RYR3: variants seen among roughly 807,000 people sequenced by gnomAD.
The protein encoded by RYR3 is ryanodine receptor 3.
Under a neutral mutation model 584.3 loss-of-function variants are expected in RYR3, and 207 were observed. The observed-to-expected ratio is 0.35, with a 90% CI of 0.32 to 0.40. The LOEUF (loss-of-function observed/expected upper bound fraction) is 0.40, where lower values mean the gene tolerates loss of function less well. Ranked by LOEUF, RYR3 falls within the 10% of genes least tolerant of loss-of-function variation. The probability of loss-of-function intolerance (pLI) is 1.00; values close to 1 mark genes in which losing one functional copy is unlikely to be tolerated. For synonymous variants in RYR3, 2,416 were observed against 2,248.5 expected, an observed-to-expected ratio of 1.07 and a Z score of -2.11; for missense variants, 5,616 against 6,089.2, an observed-to-expected ratio of 0.92 and a Z score of 2.59.
chr15:33,717,554 T>A (rs1227182521), intron 43 of RYR3, among the ~76,000 whole-genome samples: 1 of 152,230 alleles, frequency 6.6e-6, no homozygotes, highest in East Asian at 1.9e-4. Flanking sequence ...TACTCCAAGT[T>A]GTTATTATCT....
intron 1 of RYR3, among the ~76,000 whole-genome samples, chr15:33,398,323 ATTC>A (rs2042422160): frequency 6.6e-6 from 1 of 152,206 alleles, no homozygotes; most frequent in African/African-American, 2.4e-5. Context: ...CAGGCGCACC[ATTC>A]TTAGTGCAGT....
chr15:33,826,610 A>C (rs577758776), intron 83 of RYR3, 62 bp from the exon 84 acceptor site: 1 of 1,324,314 alleles, frequency 7.6e-7, no homozygotes, highest in East Asian at 2.3e-5. Context: ...AGTCATTTAC[A>C]TTAGAAAGTA....
At chr15:33,706,159 G>A (rs61308006) in intron 42 of RYR3, among the ~76,000 whole-genome samples, 30,291 of 151,878 alleles carry the variant, frequency 0.2, 3,138 homozygotes, top group Middle Eastern at 0.28. Flanking sequence ...ATAAAAACTT[G>A]AGCAGTTCTT....
At position 33,802,241 on chromosome 15, in the gene RYR3, C is replaced by T. The variant is rs1341457568; in HGVS notation, c.10011+280C>T. 3 of 523,904 alleles carry T rather than the reference C, an allele frequency of 5.7e-6. No individual in the cohort carries two copies. The African/African-American group carries it at 5.7e-5, about 10-fold the overall frequency. 32.5% of individuals were successfully genotyped at this position (523,904 alleles called of 1,614,324 possible). ...TGAGAGGTCTCCAAAACAAAAGCTG[C>T]TGTTAGTGATTTTAAAATAGAACTT... On this transcript the variant is annotated intron_variant, in intron 69 of 103. Transcript: ENST00000634891.
intron 13 of RYR3, among the ~76,000 whole-genome samples, chr15:33,580,413 CT>C (rs1206717549): frequency 1.3e-5 from 2 of 152,150 alleles, no homozygotes; most frequent in African/African-American, 4.8e-5. Flanking sequence ...TAAATTTCAG[CT>C]GTGAGAGCAT....
intron 22 of RYR3, 108 bp from the exon 23 acceptor site, chr15:33,631,102 G>T: frequency 1.5e-6 from 1 of 672,498 alleles, no homozygotes. Context: ...ACTGACCCCT[G>T]GGCTAAATGA....
intron 51 of RYR3, among the ~76,000 whole-genome samples, chr15:33,741,698 C>A (rs572982874): frequency 6.6e-6 from 1 of 152,132 alleles, no homozygotes; most frequent in African/African-American, 2.4e-5. Flanking sequence ...ACTGCAAGCT[C>A]CACCTCCTGG....
chr15:33,597,478 G>T (rs955298137), intron 16 of RYR3, among the ~76,000 whole-genome samples: 1 of 152,064 alleles, frequency 6.6e-6, no homozygotes, highest in African/African-American at 2.4e-5. Flanking sequence ...TAGCTGGGTT[G>T]TGGGCGCCTG....
chr15:33,848,260 C>T (rs771896061), intron 93 of RYR3, 31 bp from the exon 94 acceptor site: 1 of 1,612,336 alleles, frequency 6.2e-7, no homozygotes, highest in Non-Finnish European at 8.5e-7. Flanking sequence ...ACAAAGCCTG[C>T]TCTGAGTAAC....
intron 94 of RYR3, among the ~76,000 whole-genome samples, chr15:33,848,824 C>CTATTT (rs1567314183): frequency 9.0e-6 from 1 of 111,216 alleles, no homozygotes; most frequent in Admixed American, 8.8e-5. Flanking sequence ...CTCTGAAGTC[C>CTATTT]TCTTTTTTTT....
At chr15:33,480,588 A>G (rs1025937279) in intron 2 of RYR3, among the ~76,000 whole-genome samples, 1 of 152,234 alleles carries the variant, frequency 6.6e-6, no homozygotes, top group East Asian at 1.9e-4. Context: ...TAAAATATTA[A>G]GGAGAGTCAG....
chr15:33,450,503 G>A (rs2047031624), intron 1 of RYR3, among the ~76,000 whole-genome samples: 2 of 152,188 alleles, frequency 1.3e-5, no homozygotes, highest in Admixed American at 1.3e-4. Flanking sequence ...AGAGCCCGAG[G>A]TGCTGAGACA....
At chr15:33,498,920 GT>G (rs2051695644) in intron 2 of RYR3, among the ~76,000 whole-genome samples, 1 of 152,046 alleles carries the variant, frequency 6.6e-6, no homozygotes, top group African/African-American at 2.4e-5. Context: ...AGCACCATTT[GT>G]TGAAGAGACT....
chr15:33,651,190 G>A (rs2062442763), intron 31 of RYR3, among the ~76,000 whole-genome samples: 1 of 152,304 alleles, frequency 6.6e-6, no homozygotes, highest in East Asian at 1.9e-4. Context: ...TATGTAATAA[G>A]AAATAAATAC....
At chr15:33,495,394 G>A (rs933170731) in intron 2 of RYR3, among the ~76,000 whole-genome samples, 7 of 152,066 alleles carry the variant, frequency 4.6e-5, no homozygotes, top group Non-Finnish European at 8.8e-5. Context: ...TCATCCCAGC[G>A]GTGTGATTGT....
At chr15:33,399,651 G>A (rs1397841596) in intron 1 of RYR3, among the ~76,000 whole-genome samples, 1 of 152,086 alleles carries the variant, frequency 6.6e-6, no homozygotes, top group East Asian at 1.9e-4. Flanking sequence ...AATAAAAAAG[G>A]AACCCTGAAA....
chr15:33,389,624 A>G (rs932162093), intron 1 of RYR3, among the ~76,000 whole-genome samples: 3 of 152,228 alleles, frequency 2.0e-5, no homozygotes, highest in Admixed American at 6.5e-5. Context: ...TATGACATCT[A>G]TGGAAAAATA....
chr15:33,439,866 T>G (rs1489944730), intron 1 of RYR3, among the ~76,000 whole-genome samples: 1 of 152,254 alleles, frequency 6.6e-6, no homozygotes, highest in Non-Finnish European at 1.5e-5. Context: ...TTTTCATTCA[T>G]TAACATATGG....
chr15:33,605,811 G>A (rs563655034), intron 18 of RYR3, among the ~76,000 whole-genome samples: 1 of 152,284 alleles, frequency 6.6e-6, no homozygotes, highest in East Asian at 1.9e-4. Flanking sequence ...TTATGAAAAG[G>A]TAATTGATGA....
Sources: gnomAD v4.1 joint callset for allele counts (sites outside exome capture counted in the v4.1 genomes callset) on GRCh38, gnomAD v4.1.1 for gene constraint, MANE v1.5 for transcripts, NCBI Gene and HGNC (gene_info 2026-07-23, HGNC 2026-07-21) for gene names.